AUTS2: variants seen among roughly 807,000 people sequenced by gnomAD.
AUTS2 encodes activator of transcription and developmental regulator AUTS2.
In AUTS2, 17 loss-of-function variants were observed where a neutral mutation model predicts 112.4. The ratio of observed to expected loss-of-function variants is 0.15; its 90% CI spans 0.10 to 0.23. The LOEUF is 0.23. Ranked by LOEUF, AUTS2 falls within the 10% of genes least tolerant of loss-of-function variation. The probability of loss-of-function intolerance (pLI) is 1.00; values close to 1 mark genes in which losing one functional copy is unlikely to be tolerated. For synonymous variants in AUTS2, 751 were observed against 702.7 expected (o/e 1.07, Z -1.09); for missense variants, 1,510 against 1,701.6 (o/e 0.89, Z 1.98).
intron 4 of AUTS2, among the ~76,000 whole-genome samples, chr7:70,271,190 AGAT>A (rs1165045092): frequency 1.3e-5 from 2 of 152,208 alleles, no homozygotes; most frequent in African/African-American, 4.8e-5. Context: ...TGCTTAAAGA[AGAT>A]GAGAATTTGC....
intron 4 of AUTS2, among the ~76,000 whole-genome samples, chr7:70,380,858 A>G (rs1432541296): frequency 6.6e-6 from 1 of 152,254 alleles, no homozygotes; most frequent in Non-Finnish European, 1.5e-5. Flanking sequence ...AGAAATATTC[A>G]AAACTAGCCT....
At chr7:70,630,817 C>T (rs560352663) in intron 5 of AUTS2, among the ~76,000 whole-genome samples, 1 of 152,266 alleles carries the variant, frequency 6.6e-6, no homozygotes, top group South Asian at 2.1e-4. Context: ...ATTAAAGCAA[C>T]CTTTATTTTA....
At chr7:70,004,428 T>C (rs1175307935) in intron 2 of AUTS2, among the ~76,000 whole-genome samples, 5 of 17,460 alleles carry the variant, frequency 2.9e-4, no homozygotes, top group Non-Finnish European at 4.0e-4. Flanking sequence ...ATATTATATA[T>C]ATATATATAT....
At chr7:70,761,932 T>G (rs1789587941) in intron 6 of AUTS2, among the ~76,000 whole-genome samples, 1 of 152,196 alleles carries the variant, frequency 6.6e-6, no homozygotes, top group Admixed American at 6.5e-5. Context: ...ATGGGAAACT[T>G]TATTTCAGTT....
chr7:69,608,006 CTCACTGCAGCCCCAACCTT>C (rs1392996422), intron 1 of AUTS2, among the ~76,000 whole-genome samples: 1 of 152,164 alleles, frequency 6.6e-6, no homozygotes, highest in Non-Finnish European at 1.5e-5. Flanking sequence ...ATGCTCATGG[CTCACTGCAGCCCCAACCTT>C]CCTGGGCTCA....
At position 70,792,158 on chromosome 7, in the gene AUTS2, G is replaced by A. The variant is rs536311496; in HGVS notation, c.*1162G>A. On this transcript the variant is annotated 3_prime_UTR_variant, in exon 19 of 19. Transcript: ENST00000342771. ...TGCACGTTTCCTGATGTGACGCACT[G>A]TATTCCAGCTGGTGATCAAGTCTGG... is the stretch of plus-strand genomic sequence containing the variant. 1.3e-5 allele frequency: 2 copies of A among 152,704 alleles called. No homozygotes were observed. Among genetic ancestry groups the A allele is most frequent in the East Asian group, 1.9e-4 (1 of 5,186 alleles). 9.5% of individuals were successfully genotyped at this position (152,704 alleles called of 1,614,324 possible). A position where few individuals can be genotyped will look rare whatever the true frequency, so the allele number is the denominator to read the frequency against.
intron 4 of AUTS2, among the ~76,000 whole-genome samples, chr7:70,357,014 A>C (rs969823725): frequency 6.6e-6 from 1 of 152,194 alleles, no homozygotes; most frequent in Non-Finnish European, 1.5e-5. Flanking sequence ...TAAAAAATGA[A>C]GGAGACACAT....
intron 1 of AUTS2, among the ~76,000 whole-genome samples, chr7:69,782,957 C>T (rs1789205131): frequency 6.6e-6 from 1 of 152,132 alleles, no homozygotes; most frequent in African/African-American, 2.4e-5. Context: ...GATATTCTCC[C>T]CTGCTCTGGG....
rs60395279 is a variant in AUTS2, at chr7:70,555,807, T to G, written c.690+120026T>G. On this transcript the variant is annotated intron_variant, in intron 5 of 18. Transcript: ENST00000342771. ...GGCTTCTGGGGAGGCCTCAGGAAGC[T>G]TTTTTTTTTTTTTGAGACAGAGTCT... 1.4e-3 allele frequency among the ~76,000 whole-genome samples: 96 copies of G among 70,176 alleles called. 2 individuals are homozygous for G. In the East Asian group the frequency reaches 0.024, roughly 18 times the overall value. 46.0% of individuals were successfully genotyped at this position (70,176 alleles called of 152,430 possible).
rs367766316 is a variant in AUTS2 at position 70,047,935 on chromosome 7, AC to A, written c.523-70196del. 9.7e-4 allele frequency among the ~76,000 whole-genome samples: 147 copies of A among 152,234 alleles called. 2 individuals carry two copies. The highest frequency in any genetic ancestry group is 6.4e-3 in the South Asian group (31 of 4,824). ...GGACATCTTAAAGGGGAGCTCTTAG[AC>A]TTCAAGGAGAATATGGTAAATATTA... is the stretch of plus-strand genomic sequence containing the variant. On this transcript the variant is annotated intron_variant, in intron 2 of 18. Transcript: ENST00000342771.
chr7:70,776,872 T>G, intron 13 of AUTS2: 1 of 565,990 alleles, frequency 1.8e-6, no homozygotes, highest in Non-Finnish European at 3.1e-6. Context: ...CCCTTGTCAA[T>G]GTGGTTTTCT....
At chr7:69,912,314 C>G (rs1279666646) in intron 2 of AUTS2, among the ~76,000 whole-genome samples, 1 of 150,334 alleles carries the variant, frequency 6.7e-6, no homozygotes, top group East Asian at 2.0e-4. Context: ...TCAGGGATGC[C>G]TGGGTCTGGA....
At chr7:69,742,780 C>T (rs1787324220) in intron 1 of AUTS2, among the ~76,000 whole-genome samples, 1 of 152,196 alleles carries the variant, frequency 6.6e-6, no homozygotes, top group Admixed American at 6.5e-5. Flanking sequence ...CATGAGAACA[C>T]ATTTAAAGCT....
At chr7:70,655,105 C>T (rs1409136212) in intron 5 of AUTS2, among the ~76,000 whole-genome samples, 2 of 152,202 alleles carry the variant, frequency 1.3e-5, no homozygotes, top group African/African-American at 4.8e-5. Context: ...GCCATCACAG[C>T]AGCAGGGCCC....
At chr7:70,567,366 G>A (rs1801750067) in intron 5 of AUTS2, among the ~76,000 whole-genome samples, 1 of 152,204 alleles carries the variant, frequency 6.6e-6, no homozygotes, top group Admixed American at 6.5e-5. Flanking sequence ...ATGGACAGCA[G>A]TATGGGGTCA....
intron 2 of AUTS2, among the ~76,000 whole-genome samples, chr7:69,907,426 T>A (rs1795192046): frequency 6.6e-6 from 1 of 152,246 alleles, no homozygotes; most frequent in Non-Finnish European, 1.5e-5. Flanking sequence ...TCCCCATGGA[T>A]ACTAAAAGCT....
At chr7:69,752,431 T>G (rs1407097731) in intron 1 of AUTS2, among the ~76,000 whole-genome samples, 2 of 152,226 alleles carry the variant, frequency 1.3e-5, no homozygotes, top group Non-Finnish European at 2.9e-5. Flanking sequence ...TAAGCACTAA[T>G]CAATCTACAG....
chr7:70,117,851 C>T (rs1253129900), intron 2 of AUTS2, among the ~76,000 whole-genome samples: 2 of 151,808 alleles, frequency 1.3e-5, no homozygotes, highest in African/African-American at 4.8e-5. Context: ...CAGGTTCAAG[C>T]GATTCTCCTG....
intron 2 of AUTS2, among the ~76,000 whole-genome samples, chr7:70,031,706 C>G (rs894799105): frequency 5.3e-5 from 8 of 152,072 alleles, no homozygotes; most frequent in African/African-American, 1.9e-4. Context: ...GAGTGATGCT[C>G]TAATTTTTGC....
Sources: allele counts gnomAD v4.1 joint callset (sites outside exome capture counted in the v4.1 genomes callset), GRCh38; gene constraint gnomAD v4.1.1; transcripts MANE v1.5; gene names NCBI Gene and HGNC (gene_info 2026-07-23, HGNC 2026-07-21).